NELL2: variants seen among roughly 807,000 people sequenced by gnomAD.
NELL2 encodes protein kinase C-binding protein NELL2.
NELL2 carries 41 observed loss-of-function variants against 109.6 expected under a neutral mutation model. The ratio of observed to expected loss-of-function variants is 0.37; its 90% CI spans 0.29 to 0.49. The LOEUF (loss-of-function observed/expected upper bound fraction) is 0.49. Ranked by LOEUF, NELL2 falls within the 20% of genes least tolerant of loss-of-function variation. The probability of loss-of-function intolerance (pLI) is 0.98; values close to 1 mark genes in which losing one functional copy is unlikely to be tolerated. For missense variants in NELL2, 900 were observed against 1,008.3 expected (o/e 0.89, Z 1.45); for synonymous variants, 355 against 344.7 (o/e 1.03, Z -0.33).
At chr12:44,631,085 G>C (rs991487731) in intron 13 of NELL2, among the ~76,000 whole-genome samples, 2 of 151,662 alleles carry the variant, frequency 1.3e-5, no homozygotes, top group Non-Finnish European at 2.9e-5. Context: ...AGAACTCCTA[G>C]GTATTATTAT....
intron 9 of NELL2, among the ~76,000 whole-genome samples, chr12:44,773,745 A>G (rs1941641391): frequency 1.3e-5 from 2 of 152,216 alleles, no homozygotes; most frequent in Non-Finnish European, 1.5e-5. Context: ...CTAGGCTAAT[A>G]CAGTCTTATG....
At chr12:44,742,845 G>A (rs775608272) in intron 9 of NELL2, among the ~76,000 whole-genome samples, 18 of 152,282 alleles carry the variant, frequency 1.2e-4, no homozygotes, top group South Asian at 4.2e-4. Flanking sequence ...TGAAAGTGAC[G>A]GGGAGAATGG....
chr12:44,581,418 T>C (rs1287157958), intron 15 of NELL2, among the ~76,000 whole-genome samples: 2 of 152,188 alleles, frequency 1.3e-5, no homozygotes, highest in African/African-American at 4.8e-5. Flanking sequence ...TTAAAGATCT[T>C]ATTACAAAAC....
At chr12:44,509,932 T>C (rs1214993521) in intron 19 of NELL2, among the ~76,000 whole-genome samples, 1 of 151,792 alleles carries the variant, frequency 6.6e-6, no homozygotes, top group East Asian at 1.9e-4. Flanking sequence ...TTTTGTGTAG[T>C]TAAGAAACTG....
intron 1 of NELL2, among the ~76,000 whole-genome samples, chr12:44,904,169 T>C (rs949115158): frequency 6.6e-6 from 1 of 152,074 alleles, no homozygotes; most frequent in Admixed American, 6.6e-5. Flanking sequence ...TTTATAAAGA[T>C]AGCAAATTAA....
intron 15 of NELL2, among the ~76,000 whole-genome samples, chr12:44,594,438 G>A (rs1254054625): frequency 1.3e-5 from 2 of 152,000 alleles, no homozygotes; most frequent in Non-Finnish European, 2.9e-5. Context: ...ATCATGTCAA[G>A]AAAACCAGAG....
chr12:44,805,690 T>C (rs1253799473), intron 3 of NELL2, among the ~76,000 whole-genome samples: 2 of 151,902 alleles, frequency 1.3e-5, no homozygotes, highest in Non-Finnish European at 2.9e-5. Context: ...AACACAGATG[T>C]ATTATTATAC....
intron 1 of NELL2, among the ~76,000 whole-genome samples, chr12:44,897,617 A>G (rs2710420): frequency 9.9e-5 from 15 of 152,154 alleles, no homozygotes; most frequent in African/African-American, 3.4e-4. Flanking sequence ...AAGGTCTTCA[A>G]AACTGGCAGA....
At chr12:44,835,541 C>T (rs1010874915) in intron 2 of NELL2, among the ~76,000 whole-genome samples, 1 of 152,234 alleles carries the variant, frequency 6.6e-6, no homozygotes, top group Non-Finnish European at 1.5e-5. Context: ...CCAACACACG[C>T]ATTCTTACTC....
chr12:44,859,043 T>C (rs1396311665), intron 2 of NELL2, among the ~76,000 whole-genome samples: 5 of 152,208 alleles, frequency 3.3e-5, no homozygotes, highest in African/African-American at 1.2e-4. Flanking sequence ...TTGTCATATA[T>C]AGACTAGGAT....
intron 15 of NELL2, among the ~76,000 whole-genome samples, chr12:44,557,487 T>A (rs1268510317): frequency 1.3e-5 from 2 of 152,012 alleles, no homozygotes; most frequent in Non-Finnish European, 2.9e-5. Flanking sequence ...ATAATGATGA[T>A]CATTGCCAAG....
At chr12:44,791,080 T>TATATAC (rs1227249223) in intron 3 of NELL2, among the ~76,000 whole-genome samples, 14 of 30,952 alleles carry the variant, frequency 4.5e-4, no homozygotes, top group African/African-American at 1.1e-3. Context: ...TATATATATA[T>TATATAC]ACATATATAT....
At chr12:44,881,177 TTCAG>T (rs1327650624), upstream of NELL2, among the ~76,000 whole-genome samples, 3 of 151,966 alleles carry the variant, frequency 2.0e-5, no homozygotes, top group African/African-American at 7.3e-5. Context: ...CTTAACAAAA[TTCAG>T]AGTTTTATAA....
chr12:44,919,570 T>A (rs1332998680), intron 1 of NELL2, among the ~76,000 whole-genome samples: 9 of 152,064 alleles, frequency 5.9e-5, no homozygotes, highest in Non-Finnish European at 1.3e-4. Context: ...AAGGGGAAAT[T>A]TAGACAGAGA....
At chr12:44,567,302 T>C (rs746941713) in intron 15 of NELL2, among the ~76,000 whole-genome samples, 15 of 152,220 alleles carry the variant, frequency 9.9e-5, no homozygotes, top group Non-Finnish European at 4.4e-5. Flanking sequence ...TTTAGATACC[T>C]CAGCCAATGA....
chr12:44,800,460 G>A (rs1002018678), intron 3 of NELL2, among the ~76,000 whole-genome samples: 5 of 152,090 alleles, frequency 3.3e-5, no homozygotes, highest in African/African-American at 1.2e-4. Flanking sequence ...CCTATGAAGG[G>A]ATGACTGCAA....
intron 15 of NELL2, among the ~76,000 whole-genome samples, chr12:44,597,464 T>G (rs1012600641): frequency 9.9e-5 from 15 of 152,220 alleles, no homozygotes; most frequent in African/African-American, 2.9e-4. Flanking sequence ...TTTTGTTTCA[T>G]AGACCCTGTT....
chr12:44,902,528 T>C (rs979668375), intron 1 of NELL2, among the ~76,000 whole-genome samples: 2 of 152,194 alleles, frequency 1.3e-5, no homozygotes, highest in Admixed American at 1.3e-4. Flanking sequence ...CCATTGACTT[T>C]CTTCACAGAA....
At chr12:44,527,678 G>T (rs142365250) in intron 16 of NELL2, among the ~76,000 whole-genome samples, 194 of 152,262 alleles carry the variant, frequency 1.3e-3, no homozygotes, top group African/African-American at 4.2e-3. Context: ...CTCTTAAAAT[G>T]AATCCTTCTA....
Sources: gnomAD v4.1 joint callset for allele counts (sites outside exome capture counted in the v4.1 genomes callset) on GRCh38, gnomAD v4.1.1 for gene constraint, MANE v1.5 for transcripts, NCBI Gene and HGNC (gene_info 2026-07-23, HGNC 2026-07-21) for gene names.